The following KAZN variants were observed in gnomAD, a reference collection of about 807,000 sequenced individuals.
KAZN encodes the protein kazrin.
A neutral mutation model predicts 87.4 loss-of-function variants in KAZN; 40 were observed. The ratio of observed to expected loss-of-function variants is 0.46; its 90% CI spans 0.36 to 0.60. The LOEUF is 0.60. Among genes scored for constraint, KAZN ranks in the 20% least tolerant of loss-of-function variants. KAZN has a pLI of 0.00. For missense variants in KAZN, 898 were observed against 1,073.9 expected (o/e 0.84, Z 2.29); for synonymous variants, 466 against 458.3 (o/e 1.02, Z -0.22).
chr1:13,910,715 T>G (rs1166983298), intron 1 of KAZN, among the ~76,000 whole-genome samples: 1 of 152,014 alleles, frequency 6.6e-6, no homozygotes, highest in Non-Finnish European at 1.5e-5. Context: ...CATTCCCAGG[T>G]TTTTTCTTTT....
chr1:14,877,958 C>T (rs1652950040), intron 1 of KAZN, among the ~76,000 whole-genome samples: 1 of 152,142 alleles, frequency 6.6e-6, no homozygotes, highest in African/African-American at 2.4e-5. Flanking sequence ...GACAGACATC[C>T]AGCAAATGAT....
intron 2 of KAZN, among the ~76,000 whole-genome samples, chr1:15,000,098 GGGGT>G (rs1668312049): frequency 6.6e-6 from 1 of 152,172 alleles, no homozygotes; most frequent in Non-Finnish European, 1.5e-5. Flanking sequence ...GGGTAATCGT[GGGGT>G]ACTTATAGAG....
intron 2 of KAZN, among the ~76,000 whole-genome samples, chr1:14,556,954 T>C (rs1673919508): frequency 1.3e-5 from 2 of 152,140 alleles, no homozygotes; most frequent in African/African-American, 4.8e-5. Context: ...GGCAGACCAT[T>C]TGGAAGCTGA....
intron 1 of KAZN, among the ~76,000 whole-genome samples, chr1:14,678,130 G>A (rs917126858): frequency 7.9e-5 from 12 of 152,202 alleles, no homozygotes; most frequent in Middle Eastern, 6.8e-3. Flanking sequence ...GGGTGTTGCC[G>A]GAAGAGATTA....
At chr1:13,914,330 T>A (rs978301461) in intron 1 of KAZN, among the ~76,000 whole-genome samples, 1 of 152,212 alleles carries the variant, frequency 6.6e-6, no homozygotes, top group African/African-American at 2.4e-5. Context: ...ATCAATTTCC[T>A]CAACTGTAAC....
chr1:14,481,320 C>T (rs1669070399), intron 2 of KAZN, among the ~76,000 whole-genome samples: 1 of 152,192 alleles, frequency 6.6e-6, no homozygotes, highest in African/African-American at 2.4e-5. Context: ...TTTTAAAGCA[C>T]TGGACATATA....
intron 2 of KAZN, among the ~76,000 whole-genome samples, chr1:14,538,554 T>A (rs78432244): frequency 0.019 from 2,876 of 152,286 alleles, 36 homozygotes; most frequent in Non-Finnish European, 0.029. Flanking sequence ...AAGGACAGCC[T>A]CTTTCATAAA....
chr1:14,541,021 CAGTTTCTAAGG>C (rs1672780337), intron 2 of KAZN, among the ~76,000 whole-genome samples: 1 of 152,180 alleles, frequency 6.6e-6, no homozygotes, highest in African/African-American at 2.4e-5. Flanking sequence ...AGAACTTGCA[CAGTTTCTAAGG>C]AGTGGGCAAC....
rs193032272 is a variant in KAZN at position 14,044,615 on chromosome 1, T to C, written c.92-135820T>C. ...TTATTATTATTATCATTAAGAGTGG[T>C]AAGTAATATGAGATAAACCAGGCAA... On this transcript the variant is annotated intron_variant, in intron 1 of 16. Coordinates refer to the KAZN transcript ENST00000636203. 4.4e-3 allele frequency among the ~76,000 whole-genome samples: 677 copies of C among 152,192 alleles called. 5 individuals are homozygous for C. The highest frequency in any genetic ancestry group is 7.2e-3 in the Non-Finnish European group (492 of 68,008).
At chr1:14,275,210 T>C (rs1652253819) in intron 2 of KAZN, among the ~76,000 whole-genome samples, 1 of 152,110 alleles carries the variant, frequency 6.6e-6, no homozygotes, top group African/African-American at 2.4e-5. Flanking sequence ...GACTATCCAG[T>C]ATTTGGTATT....
At chr1:14,915,202 A>G (rs1291887566) in intron 1 of KAZN, among the ~76,000 whole-genome samples, 1 of 152,232 alleles carries the variant, frequency 6.6e-6, no homozygotes, top group Admixed American at 6.5e-5. Flanking sequence ...GAAAGAAAAA[A>G]AGAAAAGAAA....
At chr1:14,664,238 G>A (rs1284800581) in intron 1 of KAZN, among the ~76,000 whole-genome samples, 1 of 152,224 alleles carries the variant, frequency 6.6e-6, no homozygotes, top group Non-Finnish European at 1.5e-5. Context: ...TTCAAGATCA[G>A]CCTGCCCAAC....
intron 2 of KAZN, among the ~76,000 whole-genome samples, chr1:15,018,611 A>C (rs1670361389): frequency 6.6e-6 from 1 of 151,584 alleles, no homozygotes; most frequent in Non-Finnish European, 1.5e-5. Context: ...AAAAAAAAAA[A>C]AACACTCCTT....
At chr1:14,741,861 C>T (rs941688030) in intron 1 of KAZN, among the ~76,000 whole-genome samples, 1 of 152,300 alleles carries the variant, frequency 6.6e-6, no homozygotes, top group Non-Finnish European at 1.5e-5. Flanking sequence ...CCCTGAAATG[C>T]ATCTCAACCT....
At chr1:14,663,359 C>T (rs888843995) in intron 1 of KAZN, among the ~76,000 whole-genome samples, 1 of 152,090 alleles carries the variant, frequency 6.6e-6, no homozygotes, top group Non-Finnish European at 1.5e-5. Flanking sequence ...CTTGGTTCGC[C>T]GGGGCCACAC....
chr1:14,240,000 T>A (rs900082789), intron 2 of KAZN, among the ~76,000 whole-genome samples: 7 of 152,158 alleles, frequency 4.6e-5, no homozygotes, highest in Non-Finnish European at 7.3e-5. Context: ...TAGATTGAGT[T>A]GTGTATCAGA....
chr1:15,003,208 C>T (rs953610313), intron 2 of KAZN, among the ~76,000 whole-genome samples: 2 of 152,084 alleles, frequency 1.3e-5, no homozygotes, highest in Non-Finnish European at 2.9e-5. Context: ...AGGTGAGCAC[C>T]CCCGCTAGAG....
intron 2 of KAZN, among the ~76,000 whole-genome samples, chr1:14,988,609 C>T (rs1476481895): frequency 6.6e-6 from 1 of 152,242 alleles, no homozygotes; most frequent in East Asian, 1.9e-4. Context: ...GGACATGGTG[C>T]TGATTGGACT....
At chr1:14,023,486 A>G (rs1354138958) in intron 1 of KAZN, among the ~76,000 whole-genome samples, 3 of 152,282 alleles carry the variant, frequency 2.0e-5, no homozygotes, top group Middle Eastern at 3.4e-3. Flanking sequence ...ATCTCTCACC[A>G]GGGGTAACAC....
Sources: allele counts gnomAD v4.1 joint callset (sites outside exome capture counted in the v4.1 genomes callset), GRCh38; gene constraint gnomAD v4.1.1; transcripts MANE v1.5; gene names NCBI Gene and HGNC (gene_info 2026-07-23, HGNC 2026-07-21).